Variants in CLEC4F observed in about 807,000 individuals in gnomAD.
The protein encoded by CLEC4F is C-type (calcium dependent, carbohydrate-recognition domain) lectin, superfamily member 13.
CLEC4F carries 45 observed loss-of-function variants against 53.4 expected under a neutral mutation model. The observed-to-expected ratio is 0.84, with a 90% CI of 0.66 to 1.08. The LOEUF (loss-of-function observed/expected upper bound fraction) is 1.08, where lower values mean the gene tolerates loss of function less well. CLEC4F is among the 50% of genes least tolerant of loss of function. The pLI is 0.00. For synonymous variants in CLEC4F, 245 were observed against 257.5 expected (o/e 0.95, Z 0.46); for missense variants, 753 against 698.2 (o/e 1.08, Z -0.88).
rs372681686 is a variant in CLEC4F, at chr2:70,819,768, G to A, written c.178+7C>T. ...GTTAGTGAGATTTGGGTCACCTGGGGGCTTACCCACTACAAAGAGAGTCAC... is the reference window on the plus strand; with the variant it reads ...GTTAGTGAGATTTGGGTCACCTGGGAGCTTACCCACTACAAAGAGAGTCAC... On this transcript the variant is annotated splice_region_variant and intron_variant, in intron 2 of 6. Coordinates refer to ENST00000272367, the MANE Select transcript of CLEC4F (RefSeq NM_173535.3). 150 of 1,570,108 alleles carry A rather than the reference G, an allele frequency of 9.6e-5. No homozygotes were observed. The highest frequency in any genetic ancestry group is 1.2e-4 in the Non-Finnish European group (136 of 1,156,586).
intron 4 of CLEC4F, 26 bp downstream of exon 4, chr2:70,815,968 A>G (rs374356981): frequency 2.5e-6 from 4 of 1,597,762 alleles, no homozygotes; most frequent in Non-Finnish European, 2.6e-6. Context: ...TGCCCTCCCC[A>G]AACGCGACTC....
Position 70,819,401 on chromosome 2 carries a change from T to G in CLEC4F, c.222A>C (p.Val74=), listed in dbSNP as rs781847018. 2 of 1,614,152 alleles carry G rather than the reference T, an allele frequency of 1.2e-6. No homozygotes were observed. Among genetic ancestry groups the G allele is most frequent in the Non-Finnish European group, 1.7e-6 (2 of 1,180,034 alleles). Reference sequence around the variant, plus strand: ...GCCCAGTAATGTTGTCTCCCAGAATTACGGCTTGCACAGGCTTCGGAACAG... The same window carrying G: ...GCCCAGTAATGTTGTCTCCCAGAATGACGGCTTGCACAGGCTTCGGAACAG... The part of the protein sequence containing the change: ...TRPVPKPVQA[V]ILGDNITGHL... Residue 74 remains valine (V), a synonymous_variant, in exon 3 of 7, where the codon GTA becomes GTC. Transcript: ENST00000272367.
chr2:70,809,507 G>T, intron 6 of CLEC4F, 125 bp from the exon 7 acceptor site: 1 of 1,057,306 alleles, frequency 9.5e-7, no homozygotes, highest in Non-Finnish European at 1.4e-6. Context: ...CCACACCTGT[G>T]TGTCCAAACG....
In CLEC4F at chr2:70,820,586, G is replaced by A. The variant is rs1677186480; in HGVS notation, c.-63C>T. ...CTGGCTCCTGGAAGGGCCGTCCCGT[G>A]GACCAATGGCAGTGGAAGCAAAGCT... On this transcript the variant is annotated 5_prime_UTR_variant, in exon 1 of 7. Coordinates refer to ENST00000272367, the MANE Select transcript of CLEC4F (RefSeq NM_173535.3). 1.3e-6 allele frequency: 2 copies of A among 1,501,734 alleles called. No individual in the cohort carries two copies. The highest frequency in any genetic ancestry group is 9.0e-7 in the Non-Finnish European group (1 of 1,108,636). The allele number at this position is 1,501,734 out of a possible 1,614,324, so 93.0% of individuals were successfully genotyped here.
chr2:70,821,175 T>A (rs782627828), upstream of CLEC4F, among the ~76,000 whole-genome samples: 10 of 152,346 alleles, frequency 6.6e-5, no homozygotes, highest in Middle Eastern at 3.4e-3. Flanking sequence ...GGGACAACTC[T>A]GTAAAAAATA....
upstream of CLEC4F, among the ~76,000 whole-genome samples, chr2:70,823,461 T>C (rs1677276401): frequency 6.6e-6 from 1 of 152,190 alleles, no homozygotes; most frequent in Admixed American, 6.5e-5. Flanking sequence ...GGGCCCAGGC[T>C]GGACCTACTC....
chr2:70,816,290 G>A lies in CLEC4F; in HGVS notation c.1091C>T (p.Ser364Leu), dbSNP rs1676901538. ...TAAGGTATTCACATTTTCCATCTCT[G>A]ACTTGAATACCTGAATCTGAGTATC... is the stretch of plus-strand genomic sequence containing the variant. ...QTDTQIQVFK[S>L]EMENVNTLNA... Residue 364 changes from serine to leucine, a missense_variant, in exon 4 of 7, where the codon TCA becomes TTA. Coordinates refer to ENST00000272367, the MANE Select transcript of CLEC4F (RefSeq NM_173535.3). 1 of 1,614,070 alleles carries A rather than the reference G, an allele frequency of 6.2e-7. No individual in the cohort carries two copies. Among genetic ancestry groups the A allele is most frequent in the Admixed American group, 1.7e-5 (1 of 60,000 alleles).
At chr2:70,819,226 A>G (rs1677087785) in intron 3 of CLEC4F, 129 bp downstream of exon 3, 1 of 694,178 alleles carries the variant, frequency 1.4e-6, no homozygotes, top group Non-Finnish European at 2.5e-6. Context: ...TTAAAAAATT[A>G]TCTCTTTCTG....
At chr2:70,811,101 A>G (rs1306377589) in intron 5 of CLEC4F, 7 of 679,554 alleles carry the variant, frequency 1.0e-5, no homozygotes, top group African/African-American at 3.6e-5. Flanking sequence ...GTGTGTGTCT[A>G]GTATAGTCTA....
upstream of CLEC4F, among the ~76,000 whole-genome samples, chr2:70,824,230 C>T (rs182361156): frequency 2.6e-5 from 4 of 151,884 alleles, no homozygotes; most frequent in Admixed American, 1.3e-4. Flanking sequence ...CCTGATTTTA[C>T]ACCCTACAAA....
At chr2:70,821,405 C>A (rs944244164), upstream of CLEC4F, among the ~76,000 whole-genome samples, 3 of 152,264 alleles carry the variant, frequency 2.0e-5, no homozygotes, top group Admixed American at 2.0e-4. Context: ...CTGGGACTTT[C>A]AGCCACCCAC....
upstream of CLEC4F, among the ~76,000 whole-genome samples, chr2:70,822,743 A>C (rs1465299630): frequency 6.6e-6 from 1 of 152,210 alleles, no homozygotes; most frequent in African/African-American, 2.4e-5. Context: ...TACATATTAC[A>C]CCATCATAGC....
chr2:70,818,261 G>A (rs1194257192), intron 3 of CLEC4F, among the ~76,000 whole-genome samples: 3 of 152,182 alleles, frequency 2.0e-5, no homozygotes, highest in Non-Finnish European at 4.4e-5. Context: ...TGGAGAATAC[G>A]GAAGTAGACC....
In CLEC4F at chr2:70,812,396, C is replaced by T. The variant is rs782645605; in HGVS notation, c.1539+51G>A. 14 of 1,605,082 alleles carry T rather than the reference C, an allele frequency of 8.7e-6. 1 individual carries two copies. The South Asian group carries it at 1.6e-4, about 18-fold the overall frequency. Reference sequence around the variant, plus strand: ...GCAGGAAGGCCAAAACACCAAAGTCCCTTATTCCACACCAATTCCACCAAC... The same window carrying T: ...GCAGGAAGGCCAAAACACCAAAGTCTCTTATTCCACACCAATTCCACCAAC... On this transcript the variant is annotated intron_variant, in intron 5 of 6. Transcript: ENST00000272367.
At position 70,820,457 on chromosome 2, in the gene CLEC4F, T is replaced by C; in HGVS notation, c.61+6A>G. On this transcript the variant is annotated splice_donor_region_variant and intron_variant, in intron 1 of 6. Transcript: ENST00000272367. ...TGGGCAAGAGCTGGGGCCCCAGTTT[T>C]CTCACCTTGGGGGTGCAGGGAGACA... 1 of 1,580,594 alleles carries C rather than the reference T, an allele frequency of 6.3e-7. No homozygotes were observed. Among genetic ancestry groups the C allele is most frequent in the Non-Finnish European group, 8.6e-7 (1 of 1,161,090 alleles).
chr2:70,811,399 G>A, intron 5 of CLEC4F: 2 of 700,494 alleles, frequency 2.9e-6, no homozygotes, highest in Non-Finnish European at 5.1e-6. Flanking sequence ...GATTCATCAG[G>A]CCAATTATAG....
At chr2:70,820,016 T>C (rs1553397572) in intron 1 of CLEC4F, 125 bp from the exon 2 acceptor site, 1 of 617,076 alleles carries the variant, frequency 1.6e-6, no homozygotes, top group Non-Finnish European at 2.8e-6. Flanking sequence ...TGATAACTCC[T>C]GCCATGCTTA....
chr2:70,823,079 C>T (rs7575962), upstream of CLEC4F, among the ~76,000 whole-genome samples: 93,450 of 151,994 alleles, frequency 0.61, 29,191 homozygotes, highest in Middle Eastern at 0.7. Flanking sequence ...AGGAAGGGAG[C>T]GGTTGCCCAC....
rs543118217 is a variant in CLEC4F, at chr2:70,814,002, A to G, written c.1388-1404T>C. Among the ~76,000 whole-genome samples the G allele has an allele frequency of 2.8e-3, 432 of 152,256 alleles. 2 individuals carry two copies. The highest frequency in any genetic ancestry group is 1.0e-2 in the African/African-American group (414 of 41,554). ...TCTGGAGCTGAGTCTTAAGGGACTG[A>G]GGAAGAGTTTGCCAGGTGTTCAATG... is the stretch of plus-strand genomic sequence containing the variant. On this transcript the variant is annotated intron_variant, in intron 4 of 6. Transcript: ENST00000272367.
Sources: allele counts gnomAD v4.1 joint callset (sites outside exome capture counted in the v4.1 genomes callset), GRCh38; gene constraint gnomAD v4.1.1; transcripts MANE v1.5; gene names NCBI Gene and HGNC (gene_info 2026-07-23, HGNC 2026-07-21).